The following MAP3K7CL variants were observed in gnomAD, a reference collection of about 807,000 sequenced individuals.
The protein encoded by MAP3K7CL is MAP3K7 C-terminal like, also known as MAP3K7 C-terminal-like protein.
MAP3K7CL carries 16 observed loss-of-function variants against 18.6 expected under a neutral mutation model. The observed-to-expected ratio is 0.86, with a 90% CI of 0.58 to 1.31. The LOEUF (loss-of-function observed/expected upper bound fraction) is 1.31, where lower values mean the gene tolerates loss of function less well. Among genes scored for constraint, MAP3K7CL ranks in the 50% most tolerant of loss-of-function variants. MAP3K7CL has a pLI of 0.00. For missense variants in MAP3K7CL, 163 were observed against 174.4 expected (o/e 0.93, Z 0.37); for synonymous variants, 65 against 66.8 (o/e 0.97, Z 0.13).
At chr21:29,084,991 CTT>C (rs1419961475), upstream of MAP3K7CL, 3 of 152,146 alleles carry the variant, frequency 2.0e-5, no homozygotes, top group African/African-American at 7.2e-5. Context: ...GATTCTCAGA[CTT>C]TGCCAAAAAT....
chr21:29,172,124 T>C (rs76763258), intron 4 of MAP3K7CL, among the ~76,000 whole-genome samples: 4,638 of 152,046 alleles, frequency 0.031, 206 homozygotes, highest in African/African-American at 0.095. Context: ...TTAGCATTGA[T>C]ATATTATTAT....
intron 4 of MAP3K7CL, chr21:29,109,353 T>C: frequency 7.2e-7 from 1 of 1,391,280 alleles, no homozygotes; most frequent in African/African-American, 1.5e-5. Context: ...TTTTCATTAG[T>C]AATAGAAAGA....
intron 3 of MAP3K7CL, among the ~76,000 whole-genome samples, chr21:29,154,810 G>T (rs894594368): frequency 1.3e-5 from 2 of 152,146 alleles, no homozygotes; most frequent in African/African-American, 4.8e-5. Context: ...ATTGTATACT[G>T]CAATTTTTCT....
At chr21:29,125,924 A>G (rs1001204543), upstream of MAP3K7CL, among the ~76,000 whole-genome samples, 1 of 152,212 alleles carries the variant, frequency 6.6e-6, no homozygotes, top group African/African-American at 2.4e-5. Context: ...AACCAATTGG[A>G]AGAGGTGTTT....
chr21:29,139,202 A>G (rs1439077294), intron 2 of MAP3K7CL: 1 of 152,180 alleles, frequency 6.6e-6, no homozygotes, highest in Non-Finnish European at 1.5e-5. Context: ...GTTATGTGAG[A>G]TCTTTTTGTG....
rs74355743 is a variant in MAP3K7CL at position 29,119,376 on chromosome 21, T to C, written c.370+26795T>C. Among the ~76,000 whole-genome samples the C allele has an allele frequency of 8.5e-3, 1,294 of 152,326 alleles. 26 individuals carry two copies. The highest frequency in any genetic ancestry group is 0.03 in the African/African-American group (1,240 of 41,566). On this transcript the variant is annotated intron_variant, in intron 4 of 6. Coordinates refer to the MAP3K7CL transcript ENST00000286791. ...CTAAAGGTCTTTGCCCTTCTGCCAATTGCCTAAATGTCTTTTCAATATGGC... is the reference window on the plus strand; with the variant it reads ...CTAAAGGTCTTTGCCCTTCTGCCAACTGCCTAAATGTCTTTTCAATATGGC...
At chr21:29,155,845 G>A (rs535789904) in intron 3 of MAP3K7CL, among the ~76,000 whole-genome samples, 26 of 152,284 alleles carry the variant, frequency 1.7e-4, no homozygotes, top group African/African-American at 6.3e-4. Context: ...GGAAACATGT[G>A]TTTCAAAGTT....
intron 4 of MAP3K7CL, among the ~76,000 whole-genome samples, chr21:29,122,456 G>T (rs1202455860): frequency 6.6e-6 from 1 of 152,184 alleles, no homozygotes; most frequent in East Asian, 1.9e-4. Context: ...TTGCACGAAC[G>T]AATTGAAGAT....
At chr21:29,101,090 C>T (rs903941424) in intron 4 of MAP3K7CL, among the ~76,000 whole-genome samples, 5 of 151,682 alleles carry the variant, frequency 3.3e-5, no homozygotes, top group African/African-American at 1.2e-4. Flanking sequence ...CATGAGCTAC[C>T]GCGCGTGGCC....
intron 4 of MAP3K7CL, among the ~76,000 whole-genome samples, chr21:29,165,263 GA>G (rs1452352913): frequency 1.3e-5 from 2 of 152,124 alleles, no homozygotes; most frequent in African/African-American, 4.8e-5. Flanking sequence ...AAGATTAACT[GA>G]AATGTCAGAA....
intron 4 of MAP3K7CL, among the ~76,000 whole-genome samples, chr21:29,173,672 T>G (rs560058281): frequency 1.3e-5 from 2 of 152,212 alleles, no homozygotes; most frequent in Non-Finnish European, 2.9e-5. Context: ...GTTTATTAAA[T>G]CTACACATGG....
intron 4 of MAP3K7CL, among the ~76,000 whole-genome samples, chr21:29,116,134 G>A (rs889922357): frequency 2.6e-5 from 4 of 152,146 alleles, no homozygotes; most frequent in African/African-American, 4.8e-5. Context: ...CAGTGGCGAC[G>A]GGTAGTTCAT....
At chr21:29,104,266 G>A (rs1334788947) in intron 4 of MAP3K7CL, among the ~76,000 whole-genome samples, 1 of 151,582 alleles carries the variant, frequency 6.6e-6, no homozygotes. Context: ...TTTTTTCTCG[G>A]GGTTTTTTCT....
At chr21:29,157,419 G>A (rs2087433783) in intron 3 of MAP3K7CL, among the ~76,000 whole-genome samples, 1 of 152,176 alleles carries the variant, frequency 6.6e-6, no homozygotes, top group Non-Finnish European at 1.5e-5. Flanking sequence ...AACATTTGAA[G>A]TGGTGCTGAG....
intron 3 of MAP3K7CL, among the ~76,000 whole-genome samples, chr21:29,152,374 G>A (rs1358277346): frequency 1.3e-5 from 2 of 152,158 alleles, no homozygotes; most frequent in Non-Finnish European, 2.9e-5. Context: ...TGTACAAAAG[G>A]AACAATCTAT....
At chr21:29,109,417 T>C (rs886551784) in intron 4 of MAP3K7CL, 27 of 1,294,964 alleles carry the variant, frequency 2.1e-5, no homozygotes, top group Non-Finnish European at 2.6e-5. Flanking sequence ...AGCCAGGAGG[T>C]GTTAAGTATT....
intron 2 of MAP3K7CL, chr21:29,091,620 C>T (rs186377134): frequency 2.6e-5 from 18 of 700,996 alleles, no homozygotes; most frequent in Admixed American, 1.6e-4. Context: ...GGACCACAGG[C>T]GTGCACCACC....
intron 1 of MAP3K7CL, among the ~76,000 whole-genome samples, chr21:29,090,466 C>T (rs996095243): frequency 8.6e-5 from 13 of 152,010 alleles, no homozygotes; most frequent in Non-Finnish European, 1.8e-4. Context: ...CTGCAAGCTC[C>T]GCCTCCTGGG....
intron 4 of MAP3K7CL, among the ~76,000 whole-genome samples, chr21:29,164,749 AT>A (rs979220926): frequency 5.3e-5 from 8 of 150,690 alleles, no homozygotes; most frequent in African/African-American, 1.2e-4. Flanking sequence ...ATTTTTACTG[AT>A]TTTTTTTTTC....
Sources: gnomAD v4.1 joint callset for allele counts (sites outside exome capture counted in the v4.1 genomes callset) on GRCh38, gnomAD v4.1.1 for gene constraint, MANE v1.5 for transcripts, NCBI Gene and HGNC (gene_info 2026-07-23, HGNC 2026-07-21) for gene names.